RC3H2: variants seen among roughly 807,000 people sequenced by gnomAD.
The protein encoded by RC3H2 is ring finger and CCCH-type domains 2, also known as roquin-2.
Under a neutral mutation model 133.3 loss-of-function variants are expected in RC3H2, and 31 were observed. The ratio of observed to expected loss-of-function variants is 0.23; its 90% CI spans 0.17 to 0.31. The LOEUF is 0.31. Ranked by LOEUF, RC3H2 falls within the 10% of genes least tolerant of loss-of-function variation. The pLI is 1.00. For synonymous variants in RC3H2, 517 were observed against 502.2 expected, an observed-to-expected ratio of 1.03 and a Z score of -0.40; for missense variants, 1,175 against 1,437.2, an observed-to-expected ratio of 0.82 and a Z score of 2.95.
chr9:122,885,554 C>G (rs1052359498), intron 4 of RC3H2, among the ~76,000 whole-genome samples: 1 of 152,178 alleles, frequency 6.6e-6, no homozygotes, highest in East Asian at 1.9e-4. Context: ...GCAAAAACCA[C>G]AATTACTTTT....
chr9:122,899,090 G>GGTTTTTTTTTTTTTTTTTTT lies in RC3H2; in HGVS notation c.-67-1515_-67-1514insAAAAAAAAAAAAAAAAAAAC, dbSNP rs1564322863. 1.4e-4 allele frequency among the ~76,000 whole-genome samples: 12 copies of GGTTTTTTTTTTTTTTTTTTT among 88,410 alleles called. 5 individuals carry two copies. The highest frequency in any genetic ancestry group is 2.0e-4 in the Non-Finnish European group (10 of 49,386). The allele number at this position is 88,410 out of a possible 152,430, so 58.0% of individuals were successfully genotyped here. A position where few individuals can be genotyped will look rare whatever the true frequency, so the allele number is the denominator to read the frequency against. ...AAAAAATTCTATTAGCCTTTATTGT[G>GGTTTTTTTTTTTTTTTTTTT]TTTTTTTTTTTTTTTTTTTTTTTTT... On this transcript the variant is annotated intron_variant, in intron 1 of 20. Transcript: ENST00000357244.
rs754262475 is a variant in RC3H2 at position 122,849,801 on chromosome 9, C to A, written c.3402G>T (p.Leu1134=). ...GCTGGCTAAAGCAAGAAGTTACCGGCAGAATTGTTTTTTGCTCCTCCCTGA... is the reference window on the plus strand; with the variant it reads ...GCTGGCTAAAGCAAGAAGTTACCGGAAGAATTGTTTTTTGCTCCTCCCTGA... ...HVILEEQKTI[L]PVTSCFSQPL... Residue 1134 remains leucine (L), a synonymous_variant, in exon 21 of 21, where the codon CTG becomes CTT. Coordinates refer to ENST00000357244, the MANE Select transcript of RC3H2 (RefSeq NM_001100588.3). 6.4e-6 allele frequency: 10 copies of A among 1,566,134 alleles called. No individual in the cohort carries two copies. The highest frequency in any genetic ancestry group is 2.0e-5 in the Admixed American group (1 of 49,346).
Position 122,849,421 on chromosome 9 carries a change from A to G in RC3H2, c.*206T>C, listed in dbSNP as rs1264443591. 1 of 165,408 alleles carries G rather than the reference A, an allele frequency of 6.0e-6. No homozygotes were observed. Among genetic ancestry groups the G allele is most frequent in the African/African-American group, 2.4e-5 (1 of 41,646 alleles). The allele number at this position is 165,408 out of a possible 1,614,324, so 10.2% of individuals were successfully genotyped here. On this transcript the variant is annotated 3_prime_UTR_variant, in exon 21 of 21. Coordinates refer to ENST00000357244, the MANE Select transcript of RC3H2 (RefSeq NM_001100588.3). ...ATCATTTCTGGAAAGTGAACATGTT[A>G]CCCTAGTAAAGTAAATTTTCTTTTT...
intron 11 of RC3H2, 118 bp downstream of exon 11, chr9:122,859,799 T>C (rs192258415): frequency 1.2e-6 from 1 of 856,804 alleles, no homozygotes; most frequent in Non-Finnish European, 1.9e-6. Context: ...AAAAAACTTA[T>C]GAGTCACATA....
chr9:122,901,654 C>T (rs1414959472), intron 1 of RC3H2, among the ~76,000 whole-genome samples: 1 of 141,564 alleles, frequency 7.1e-6, no homozygotes. Flanking sequence ...TGCGGTGGTG[C>T]GATTTCGGCT....
chr9:122,886,179 C>T (rs1260883850), intron 4 of RC3H2, among the ~76,000 whole-genome samples: 2 of 152,126 alleles, frequency 1.3e-5, no homozygotes, highest in South Asian at 4.1e-4. Context: ...TGTGAGCCAC[C>T]GTGCCCAACC....
Position 122,899,100 on chromosome 9 carries a change from T to G in RC3H2, c.-67-1524A>C, listed in dbSNP as rs1215795133. On this transcript the variant is annotated intron_variant, in intron 1 of 20. Coordinates refer to ENST00000357244, the MANE Select transcript of RC3H2 (RefSeq NM_001100588.3). ...ATTAGCCTTTATTGTGTTTTTTTTTTTTTTTTTTTTTTTTTTTTCAGAGAC... is the reference window on the plus strand; with the variant it reads ...ATTAGCCTTTATTGTGTTTTTTTTTGTTTTTTTTTTTTTTTTTTCAGAGAC... Among the ~76,000 whole-genome samples, 33 of 134,678 alleles carry G rather than the reference T, an allele frequency of 2.5e-4. 2 individuals carry two copies. The South Asian group carries it at 7.8e-3, about 32-fold the overall frequency. The allele number at this position is 134,678 out of a possible 152,430, so 88.4% of individuals were successfully genotyped here.
rs141890005 is a variant in RC3H2, at chr9:122,879,842, T to C, written c.1125A>G (p.Glu375=). The C allele has an allele frequency of 6.2e-7, 1 of 1,614,194 alleles. No homozygotes were observed. Among genetic ancestry groups the C allele is most frequent in the East Asian group, 2.2e-5 (1 of 44,888 alleles). ...CTGTTTTAACAGCTACCATTGCATT[T>C]TCCAGCTGCTCCCAAGTTGGTGAAA... The part of the protein sequence containing the change: ...DAVSPTWEQL[E]NAMVAVKTVV... Residue 375 remains glutamate, a synonymous_variant, in exon 8 of 21, where the codon GAA becomes GAG. Transcript: ENST00000357244.
At chr9:122,893,868 C>T (rs1225426698) in intron 2 of RC3H2, among the ~76,000 whole-genome samples, 5 of 152,126 alleles carry the variant, frequency 3.3e-5, no homozygotes, top group African/African-American at 1.2e-4. Flanking sequence ...TCTGCTACTT[C>T]TATGAATGAC....
intron 9 of RC3H2, among the ~76,000 whole-genome samples, chr9:122,867,356 G>A (rs1372895945): frequency 7.5e-5 from 10 of 132,494 alleles, no homozygotes; most frequent in Non-Finnish European, 1.0e-4. Flanking sequence ...CACCCCTACT[G>A]GGAAGTGAGG....
chr9:122,865,483 T>C lies in RC3H2; in HGVS notation c.1500A>G (p.Glu500=). 6.2e-7 allele frequency: 1 copy of C among 1,614,212 alleles called. No individual in the cohort carries two copies. The highest frequency in any genetic ancestry group is 8.5e-7 in the Non-Finnish European group (1 of 1,180,032). ...GTGAGATTAGCTGGGAAACACTGTTTTCTGCATTTGAAATTCCGTTTGTAC... is the reference window on the plus strand; with the variant it reads ...GTGAGATTAGCTGGGAAACACTGTTCTCTGCATTTGAAATTCCGTTTGTAC... ...VPSTNGISNA[E]NSVSQLISRS... is the part of the protein sequence containing the mutation. The change falls in exon 10 of 21, where the codon GAA becomes GAG. Residue 500 remains glutamate, a synonymous_variant. Transcript: ENST00000357244.
chr9:122,868,536 G>C (rs1434487454), intron 9 of RC3H2, among the ~76,000 whole-genome samples: 1 of 151,782 alleles, frequency 6.6e-6, no homozygotes, highest in Non-Finnish European at 1.5e-5. Context: ...ACAGATGCTT[G>C]AAGGCAGCAT....
intron 13 of RC3H2, 142 bp from the exon 14 acceptor site, chr9:122,856,020 G>A: frequency 3.2e-6 from 2 of 629,118 alleles, no homozygotes; most frequent in East Asian, 2.9e-5. Context: ...ATAAAAAACT[G>A]TAATAAGCAA....
chr9:122,875,292 G>C, intron 9 of RC3H2: 1 of 1,550,580 alleles, frequency 6.4e-7, no homozygotes, highest in Non-Finnish European at 8.7e-7. Context: ...TGCTTGTAGA[G>C]CTCATTATGT....
At chr9:122,893,497 A>G (rs1832277545) in intron 2 of RC3H2, among the ~76,000 whole-genome samples, 1 of 152,210 alleles carries the variant, frequency 6.6e-6, no homozygotes, top group Non-Finnish European at 1.5e-5. Context: ...CCATCTCAAA[A>G]TAACAACAAT....
In RC3H2 at chr9:122,854,000, G is replaced by T. The variant is rs755632050; in HGVS notation, c.3069C>A (p.His1023Gln). The change falls in exon 18 of 21, where the codon CAC becomes CAA. Residue 1023 changes from histidine to glutamine, a missense_variant. By Grantham distance (24) the His-to-Gln change is conservative. Coordinates refer to ENST00000357244, the MANE Select transcript of RC3H2 (RefSeq NM_001100588.3). ...CCTTGCTTAAAAGGTTTAAGGTAAG[G>T]TGACGGCCTTCATCCAGGGAATTCC... The part of the protein sequence containing the change: ...QKWNSLDEGR[H>Q]LTLNLLSKEI... 6.3e-5 allele frequency: 101 copies of T among 1,614,218 alleles called. No individual in the cohort carries two copies. The East Asian group carries it at 1.8e-3, about 28-fold the overall frequency.
chr9:122,851,525 C>T, intron 18 of RC3H2, 89 bp from the exon 19 acceptor site: 2 of 1,512,432 alleles, frequency 1.3e-6, no homozygotes, highest in Non-Finnish European at 1.8e-6. Context: ...CCTCTCTTTC[C>T]ATGGTCTCCC....
In RC3H2 at chr9:122,897,306, G is replaced by A. The variant is rs936863757; in HGVS notation, c.204C>T (p.Phe68=). Residue 68 remains phenylalanine (F), a synonymous_variant, in exon 2 of 21, where the codon TTC becomes TTT. Transcript: ENST00000357244. ...GGGCTCCAACTAACTGGAGAAGTGC[G>A]AAGTTGACAGGAAGTACATCAATAT... ...NTDIDVLPVN[F]ALLQLVGAQV... is the part of the protein sequence containing the mutation. 13 of 1,614,008 alleles carry A rather than the reference G, an allele frequency of 8.1e-6. No individual in the cohort carries two copies. The highest frequency in any genetic ancestry group is 1.3e-5 in the African/African-American group (1 of 74,926).
chr9:122,894,836 C>A (rs1048239274), intron 2 of RC3H2, among the ~76,000 whole-genome samples: 1 of 152,048 alleles, frequency 6.6e-6, no homozygotes, highest in Non-Finnish European at 1.5e-5. Context: ...GCCGAGATTG[C>A]GCCACTGCAC....
Sources: allele counts gnomAD v4.1 joint callset (sites outside exome capture counted in the v4.1 genomes callset), GRCh38; gene constraint gnomAD v4.1.1; transcripts MANE v1.5; gene names NCBI Gene and HGNC (gene_info 2026-07-23, HGNC 2026-07-21).